COL20A1: variants seen among roughly 807,000 people sequenced by gnomAD.
The protein encoded by COL20A1 is collagen type XX alpha 1 chain, also known as collagen alpha-1(XX) chain.
In COL20A1, 164 loss-of-function variants were observed where a neutral mutation model predicts 152.9. The observed-to-expected ratio is 1.07, with a 90% CI of 0.94 to 1.22. The LOEUF (loss-of-function observed/expected upper bound fraction) is 1.22. Among genes scored for constraint, COL20A1 ranks in the 50% most tolerant of loss-of-function variants. The probability of loss-of-function intolerance (pLI) is 0.00; values close to 1 mark genes in which losing one functional copy is unlikely to be tolerated. For missense variants in COL20A1, 1,873 were observed against 1,744.8 expected, an observed-to-expected ratio of 1.07 and a Z score of -1.31; for synonymous variants, 864 against 756.0, an observed-to-expected ratio of 1.14 and a Z score of -2.34.
At chr20:63,294,463 T>C (rs2067760682) in intron 1 of COL20A1, among the ~76,000 whole-genome samples, 1 of 151,886 alleles carries the variant, frequency 6.6e-6, no homozygotes, top group Non-Finnish European at 1.5e-5. Context: ...CTGGTCCTCC[T>C]TGTAGCCCAC....
intron 2 of COL20A1, 23 bp downstream of exon 2, chr20:63,295,212 C>T (rs755072816): frequency 6.6e-7 from 1 of 1,514,814 alleles, no homozygotes; most frequent in South Asian, 1.2e-5. Flanking sequence ...GCAGTGGGCC[C>T]CTGCTTGCCC....
intron 30 of COL20A1, among the ~76,000 whole-genome samples, 194 bp from the exon 31 acceptor site, chr20:63,326,558 G>A (rs755309658): frequency 1.3e-5 from 2 of 152,152 alleles, no homozygotes; most frequent in Non-Finnish European, 2.9e-5. Flanking sequence ...GGGGTGCAGG[G>A]CATGGGGAGC....
rs374875816 is a variant in COL20A1, at chr20:63,322,054, G to A, written c.3241-4G>A. The stretch of plus-strand genomic sequence containing the variant: ...GGGGCTTAGCCCTGTTTGTGCCTCT[G>A]CAGGGCCTCCCTGGGAGGAATGGCA... On this transcript the variant is annotated splice_region_variant and splice_polypyrimidine_tract_variant and intron_variant, in intron 26 of 35. Coordinates refer to ENST00000358894, the MANE Select transcript of COL20A1 (RefSeq NM_020882.4). 1.8e-4 allele frequency: 276 copies of A among 1,509,416 alleles called. 4 individuals are homozygous for A. The South Asian group carries it at 2.7e-3, about 15-fold the overall frequency. 93.5% of individuals were successfully genotyped at this position (1,509,416 alleles called of 1,614,324 possible).
rs1355575704 is a variant in COL20A1 at position 63,311,505 on chromosome 20, C to T, written c.1505C>T (p.Pro502Leu). ...GATHYLVRCS[P>L]ASPKGEEEER... Reference sequence around the variant, plus strand: ...ACCCACTACCTGGTGCGATGTTCTCCTGCTTCCCCCAAGGGTGAAGAGGAG... The same window carrying T: ...ACCCACTACCTGGTGCGATGTTCTCTTGCTTCCCCCAAGGGTGAAGAGGAG... The change falls in exon 12 of 36, where the codon CCT (proline) becomes CTT (leucine). Residue 502 changes from proline (P) to leucine (L), a missense_variant. Physicochemically the swap from Pro to Leu is moderately conservative, Grantham distance 98 (BLOSUM62 -3). Transcript: ENST00000358894. The surrounding 1 kb of genome is among the most constrained non-coding windows in gnomAD (Gnocchi z 4.4). 3 of 1,586,548 alleles carry T rather than the reference C, an allele frequency of 1.9e-6. No individual in the cohort carries two copies. The highest frequency in any genetic ancestry group is 1.8e-5 in the Admixed American group (1 of 55,512).
intron 2 of COL20A1, among the ~76,000 whole-genome samples, chr20:63,295,900 G>A (rs1413913589): frequency 2.6e-5 from 4 of 152,250 alleles, no homozygotes; most frequent in Non-Finnish European, 5.9e-5. Flanking sequence ...GGCGCCTCCC[G>A]GCACCTGCAA....
chr20:63,304,992 C>A (rs1029782769), intron 3 of COL20A1, among the ~76,000 whole-genome samples: 1 of 152,190 alleles, frequency 6.6e-6, no homozygotes, highest in Admixed American at 6.5e-5. Flanking sequence ...AAAATACTTG[C>A]GGCTGGTCGG....
At chr20:63,324,322 C>T (rs1322840524) in intron 27 of COL20A1, 3 of 152,172 alleles carry the variant, frequency 2.0e-5, no homozygotes, top group Non-Finnish European at 2.9e-5. Flanking sequence ...TTTTTCTTGT[C>T]TAATGGTGTT....
rs923743633 is a variant in COL20A1 at position 63,306,972 on chromosome 20, G to T, written c.497-518G>T. On this transcript the variant is annotated intron_variant, in intron 5 of 35. Transcript: ENST00000358894. The surrounding 1 kb of genome is among the most constrained non-coding windows in gnomAD (Gnocchi z 6.9). Reference sequence around the variant, plus strand: ...GCCTCAGGGCAGCTGGGCCTCTTCGGTCGCCCCACGGGGGGCTCCACCGTG... The same window carrying T: ...GCCTCAGGGCAGCTGGGCCTCTTCGTTCGCCCCACGGGGGGCTCCACCGTG... 6.6e-6 allele frequency among the ~76,000 whole-genome samples: 1 copy of T among 152,222 alleles called. No individual in the cohort carries two copies. Among genetic ancestry groups the T allele is most frequent in the East Asian group, 1.9e-4 (1 of 5,180 alleles).
At chr20:63,326,402 C>T (rs1053875210) in intron 30 of COL20A1, among the ~76,000 whole-genome samples, 1 of 152,190 alleles carries the variant, frequency 6.6e-6, no homozygotes, top group African/African-American at 2.4e-5. Flanking sequence ...AGGGGGGTCT[C>T]CTGGCATCGG....
intron 2 of COL20A1, among the ~76,000 whole-genome samples, chr20:63,297,490 G>A (rs1292137824): frequency 2.6e-5 from 4 of 152,202 alleles, no homozygotes; most frequent in African/African-American, 9.6e-5. Context: ...ACTCAGCTCA[G>A]GGCCCTGGGC....
In COL20A1 at chr20:63,318,308, G is replaced by A. The variant is rs563519661; in HGVS notation, c.2664-750G>A. On this transcript the variant is annotated intron_variant, in intron 21 of 35. Transcript: ENST00000358894. ...CCAGGCCCCAGACCAGTCTGCTCTC[G>A]GGATGGCAGGAAGGTGGCTGGGCAT... Among the ~76,000 whole-genome samples the A allele has an allele frequency of 5.9e-5, 9 of 152,312 alleles. 1 individual carries two copies. Among genetic ancestry groups the A allele is most frequent in the African/African-American group, 1.9e-4 (8 of 41,558 alleles).
In COL20A1 at chr20:63,310,454, T is replaced by A. The variant is rs369917449; in HGVS notation, c.1337T>A (p.Val446Glu). 9 of 1,609,490 alleles carry A rather than the reference T, an allele frequency of 5.6e-6. No individual in the cohort carries two copies. Among genetic ancestry groups the A allele is most frequent in the African/African-American group, 1.3e-5 (1 of 74,948 alleles). Residue 446 changes from valine to glutamate, a missense_variant, in exon 11 of 36, where the codon GTG (valine) becomes GAG (glutamate). Coordinates refer to ENST00000358894, the MANE Select transcript of COL20A1 (RefSeq NM_020882.4). Reference protein sequence around the residue: ...LASRTEYLVSVFPIYEGGVGE... With the variant: ...LASRTEYLVSEFPIYEGGVGE... Reference sequence around the variant, plus strand: ...TCCCGCACAGAGTACCTGGTCTCCGTGTTCCCCATCTATGAGGGCGGGGTT... The same window carrying A: ...TCCCGCACAGAGTACCTGGTCTCCGAGTTCCCCATCTATGAGGGCGGGGTT...
Position 63,297,900 on chromosome 20 carries a change from G to C in COL20A1, c.83-10G>C, listed in dbSNP as rs1057059967. ...AGGTCAGTCCTGACCACTATGTCCT[G>C]TTTCTGTAGCAAGCGGTCTCCTGAG... On this transcript the variant is annotated splice_polypyrimidine_tract_variant and intron_variant, in intron 2 of 35. Coordinates refer to ENST00000358894, the MANE Select transcript of COL20A1 (RefSeq NM_020882.4). 6 of 1,611,438 alleles carry C rather than the reference G, an allele frequency of 3.7e-6. No individual in the cohort carries two copies. The highest frequency in any genetic ancestry group is 2.7e-5 in the African/African-American group (2 of 74,922).
chr20:63,310,331 AT>A (rs1568773342), intron 10 of COL20A1, 49 bp from the exon 11 acceptor site: 1 of 1,593,702 alleles, frequency 6.3e-7, no homozygotes, highest in Admixed American at 1.7e-5. Context: ...CCTGCTCCCC[AT>A]CCCCCGGCAC....
intron 11 of COL20A1, 116 bp downstream of exon 11, chr20:63,310,626 A>G: frequency 8.8e-7 from 1 of 1,141,850 alleles, no homozygotes; most frequent in South Asian, 1.6e-5. Flanking sequence ...TTAACCACCC[A>G]CAGTTGGCAC....
chr20:63,322,037 G>A, intron 26 of COL20A1, 21 bp from the exon 27 acceptor site: 2 of 1,511,280 alleles, frequency 1.3e-6, no homozygotes, highest in Non-Finnish European at 1.8e-6. Context: ...TGGGGGCTTA[G>A]CCCTGTTTGT....
In COL20A1 at chr20:63,314,108, C is replaced by A. The variant is rs2068053856; in HGVS notation, c.2395C>A (p.Pro799Thr). Residue 799 changes from proline (P) to threonine (T), a missense_variant, in exon 19 of 36, where the codon CCC becomes ACC. Physicochemically the swap from Pro to Thr is conservative, Grantham distance 38 (BLOSUM62 -1). Transcript: ENST00000358894. ...AGGAGCCAGGAGCCACGTGACACTG[C>A]CCGACCTGCAGGCAGCCACGAAGTA... ...VPGARSHVTL[P>T]DLQAATKYRV... 1 of 1,612,546 alleles carries A rather than the reference C, an allele frequency of 6.2e-7. No individual in the cohort carries two copies. Among genetic ancestry groups the A allele is most frequent in the African/African-American group, 1.3e-5 (1 of 74,930 alleles).
Position 63,319,651 on chromosome 20 carries a change from A to T in COL20A1, c.2916+55A>T. The T allele has an allele frequency of 7.7e-7, 1 of 1,298,404 alleles. No homozygotes were observed. The highest frequency in any genetic ancestry group is 1.1e-6 in the Non-Finnish European group (1 of 922,844). The allele number at this position is 1,298,404 out of a possible 1,614,324, so 80.4% of individuals were successfully genotyped here. On this transcript the variant is annotated intron_variant, in intron 23 of 35. Transcript: ENST00000358894. This position sits in a 1 kb window ranked among gnomAD's most constrained non-coding sequence, Gnocchi z 4.4. ...CGTTCCCCCAGCTCTGGGGCAGCCC[A>T]GCCCCACAGGGACCTGCCGGATGCC...
chr20:63,313,388 C>A lies in COL20A1; in HGVS notation c.2209+139C>A. 4.1e-6 allele frequency: 4 copies of A among 966,770 alleles called. No individual in the cohort carries two copies. Among genetic ancestry groups the A allele is most frequent in the South Asian group, 3.4e-5 (2 of 58,628 alleles). 59.9% of individuals were successfully genotyped at this position (966,770 alleles called of 1,614,324 possible). On this transcript the variant is annotated intron_variant, in intron 17 of 35. Transcript: ENST00000358894. This position sits in a 1 kb window ranked among gnomAD's most constrained non-coding sequence, Gnocchi z 5.9. ...CAGAGCCCTGATCACTGGGCCTGGT[C>A]GTTGGAGTCTGCAGCACTTCCTTGA... is the stretch of plus-strand genomic sequence containing the variant.
Sources: gnomAD v4.1 joint callset for allele counts (sites outside exome capture counted in the v4.1 genomes callset) on GRCh38, gnomAD v4.1.1 for gene constraint, Gnocchi (gnomAD v3.1) non-coding constraint, MANE v1.5 for transcripts, NCBI Gene and HGNC (gene_info 2026-07-23, HGNC 2026-07-21) for gene names.